The following PARD3B variants were observed in gnomAD, a reference collection of about 807,000 sequenced individuals.
PARD3B encodes partitioning defective 3 homolog B.
A neutral mutation model predicts 130.2 loss-of-function variants in PARD3B; 103 were observed. The ratio of observed to expected loss-of-function variants is 0.79; its 90% CI spans 0.67 to 0.93. The LOEUF (loss-of-function observed/expected upper bound fraction) is 0.93, where lower values mean the gene tolerates loss of function less well. Among genes scored for constraint, PARD3B ranks in the 40% least tolerant of loss-of-function variants. The pLI is 0.00. For missense variants in PARD3B, 1,609 were observed against 1,499.2 expected (o/e 1.07, Z -1.21); for synonymous variants, 583 against 553.2 (o/e 1.05, Z -0.76).
intron 4 of PARD3B, among the ~76,000 whole-genome samples, chr2:205,094,275 G>A (rs1702276046): frequency 6.6e-6 from 1 of 152,190 alleles, no homozygotes; most frequent in African/African-American, 2.4e-5. Flanking sequence ...AAATGATTGT[G>A]TAGGAAGATA....
At chr2:205,401,379 A>G (rs2046245535) in intron 19 of PARD3B, among the ~76,000 whole-genome samples, 1 of 152,208 alleles carries the variant, frequency 6.6e-6, no homozygotes, top group Non-Finnish European at 1.5e-5. Context: ...TTTGACCATA[A>G]AAATGCATAT....
Position 205,522,094 on chromosome 2 carries a change from C to T in PARD3B, c.3180+22063C>T, listed in dbSNP as rs1220816919. On this transcript the variant is annotated intron_variant, in intron 21 of 22. Coordinates refer to ENST00000406610, the MANE Select transcript of PARD3B (RefSeq NM_001302769.2). ...AGTTTTTAGTGTATTTTATCTTTAC[C>T]AAATAATATATTTAATAATTATTTT... Among the ~76,000 whole-genome samples, 7 of 150,942 alleles carry T rather than the reference C, an allele frequency of 4.6e-5. 1 individual carries two copies. The highest frequency in any genetic ancestry group is 1.5e-4 in the African/African-American group (6 of 41,234).
chr2:204,981,350 G>T (rs1692652447), intron 3 of PARD3B, among the ~76,000 whole-genome samples: 1 of 152,066 alleles, frequency 6.6e-6, no homozygotes, highest in Admixed American at 6.6e-5. Context: ...ATAAACTGTG[G>T]TGTATGCATA....
intron 21 of PARD3B, among the ~76,000 whole-genome samples, chr2:205,518,287 G>A (rs549145352): frequency 1.3e-5 from 2 of 152,240 alleles, no homozygotes; most frequent in Admixed American, 1.3e-4. Flanking sequence ...ATATATTTAG[G>A]ATAGTTAGGC....
intron 2 of PARD3B, among the ~76,000 whole-genome samples, chr2:204,829,915 C>T (rs1260254144): frequency 7.0e-6 from 1 of 143,408 alleles, no homozygotes; most frequent in African/African-American, 2.6e-5. Flanking sequence ...AGGAGAATGG[C>T]GTGAACCCGG....
chr2:205,501,543 C>T (rs552690732), intron 21 of PARD3B, among the ~76,000 whole-genome samples: 1 of 152,254 alleles, frequency 6.6e-6, no homozygotes, highest in South Asian at 2.1e-4. Flanking sequence ...GGCTCAGCTC[C>T]CTCGATAAGC....
At position 205,023,021 on chromosome 2, in the gene PARD3B, T is replaced by C. The variant is rs1240036361; in HGVS notation, c.395-24560T>C. Among the ~76,000 whole-genome samples, 7 of 152,286 alleles carry C rather than the reference T, an allele frequency of 4.6e-5. No individual in the cohort carries two copies. In the South Asian group the frequency reaches 1.2e-3, roughly 27 times the overall value. ...GCAACTGAACTTGAACAAACTGATA[T>C]GAAATCATTACAGGCTCAGTTCCCT... On this transcript the variant is annotated intron_variant, in intron 3 of 22. Transcript: ENST00000406610.
chr2:204,826,608 T>C (rs565281287), intron 2 of PARD3B, among the ~76,000 whole-genome samples: 2 of 152,356 alleles, frequency 1.3e-5, no homozygotes, highest in East Asian at 3.9e-4. Context: ...TGCTGATTGA[T>C]AGATAGTATC....
At chr2:204,690,490 TAGAG>T (rs2037304967) in intron 2 of PARD3B, among the ~76,000 whole-genome samples, 1 of 152,044 alleles carries the variant, frequency 6.6e-6, no homozygotes, top group African/African-American at 2.4e-5. Context: ...AGGAGAGTAT[TAGAG>T]AGATAAATGT....
Position 205,589,769 on chromosome 2 carries a change from A to T in PARD3B, c.3261-25687A>T, listed in dbSNP as rs1040990501. On this transcript the variant is annotated intron_variant, in intron 22 of 22. Transcript: ENST00000406610. The surrounding 1 kb of genome is among the most constrained non-coding windows in gnomAD (Gnocchi z 4.1). ...GCATATGTAGTTACTAAAGTTAGTT[A>T]TAGGCACAGATATCTGAGCCTAAAG... is the stretch of plus-strand genomic sequence containing the variant. Among the ~76,000 whole-genome samples the T allele has an allele frequency of 1.3e-5, 2 of 152,198 alleles. No individual in the cohort carries two copies. The highest frequency in any genetic ancestry group is 4.8e-5 in the African/African-American group (2 of 41,450).
intron 13 of PARD3B, among the ~76,000 whole-genome samples, chr2:205,184,519 GAT>G (rs1212707036): frequency 1.3e-5 from 2 of 152,108 alleles, no homozygotes; most frequent in African/African-American, 4.8e-5. Flanking sequence ...GAGATGAGTG[GAT>G]CATGAGGTCA....
At chr2:204,576,526 G>C (rs1327080510) in intron 1 of PARD3B, among the ~76,000 whole-genome samples, 1 of 152,040 alleles carries the variant, frequency 6.6e-6, no homozygotes, top group Non-Finnish European at 1.5e-5. Context: ...ATGTGTGTGT[G>C]CTCTTTTTTT....
intron 4 of PARD3B, among the ~76,000 whole-genome samples, chr2:205,096,363 T>G (rs540741860): frequency 2.1e-4 from 32 of 152,298 alleles, no homozygotes; most frequent in Non-Finnish European, 1.5e-5. Context: ...TAGACCAGAA[T>G]TCAGTTACTG....
At chr2:204,998,358 A>ATGTGTGTGTGTG (rs59323700) in intron 3 of PARD3B, among the ~76,000 whole-genome samples, 3 of 69,826 alleles carry the variant, frequency 4.3e-5, no homozygotes, top group East Asian at 3.0e-4. Context: ...ATATATATAT[A>ATGTGTGTGTGTG]TGTGTGTGTG....
chr2:204,868,602 T>C (rs972800735), intron 2 of PARD3B, among the ~76,000 whole-genome samples: 1 of 152,206 alleles, frequency 6.6e-6, no homozygotes, highest in Non-Finnish European at 1.5e-5. Flanking sequence ...TCCTTTTAAA[T>C]ACCCTGATCA....
intron 4 of PARD3B, among the ~76,000 whole-genome samples, chr2:205,058,647 G>A (rs938296795): frequency 6.6e-6 from 1 of 151,910 alleles, no homozygotes; most frequent in African/African-American, 2.4e-5. Flanking sequence ...TGACTGTGAG[G>A]TGATATTTCA....
In PARD3B at chr2:205,564,184, G is replaced by A. The variant is rs920157195; in HGVS notation, c.3260+10781G>A. ...ATCTGAAATTTCTGGGCTTTCTGCAGCATCAAGGTGTCTGGTACTAGGCTG... is the reference window on the plus strand; with the variant it reads ...ATCTGAAATTTCTGGGCTTTCTGCAACATCAAGGTGTCTGGTACTAGGCTG... On this transcript the variant is annotated intron_variant, in intron 22 of 22. Coordinates refer to ENST00000406610, the MANE Select transcript of PARD3B (RefSeq NM_001302769.2). This position sits in a 1 kb window ranked among gnomAD's most constrained non-coding sequence, Gnocchi z 4.6. Among the ~76,000 whole-genome samples, 6 of 152,198 alleles carry A rather than the reference G, an allele frequency of 3.9e-5. No homozygotes were observed. The highest frequency in any genetic ancestry group is 1.4e-4 in the African/African-American group (6 of 41,438).
At chr2:204,936,816 A>G (rs186458652) in intron 2 of PARD3B, among the ~76,000 whole-genome samples, 210 of 152,362 alleles carry the variant, frequency 1.4e-3, no homozygotes, top group Admixed American at 2.4e-3. Context: ...AAAATAGTGA[A>G]TCTTTAAAAC....
chr2:204,844,521 A>AT lies in PARD3B; in HGVS notation c.223-120627dup, dbSNP rs1428632727. Among the ~76,000 whole-genome samples, 3 of 152,298 alleles carry AT rather than the reference A, an allele frequency of 2.0e-5. No homozygotes were observed. In the South Asian group the frequency reaches 6.2e-4, roughly 32 times the overall value. ...ATAAAGAAATGCTCTCACAGATGTC[A>AT]TTTTAGATATATTAAGTCTGCTAAA... On this transcript the variant is annotated intron_variant, in intron 2 of 22. Coordinates refer to ENST00000406610, the MANE Select transcript of PARD3B (RefSeq NM_001302769.2).
Sources: allele counts gnomAD v4.1 joint callset (sites outside exome capture counted in the v4.1 genomes callset), GRCh38; gene constraint gnomAD v4.1.1; non-coding constraint Gnocchi (gnomAD v3.1); transcripts MANE v1.5; gene names NCBI Gene and HGNC (gene_info 2026-07-23, HGNC 2026-07-21).